The following NDUFAF6 variants were observed in gnomAD, a reference collection of about 807,000 sequenced individuals.
The protein encoded by NDUFAF6 is NADH:ubiquinone oxidoreductase complex assembly factor 6, also known as NADH dehydrogenase (ubiquinone) complex I, assembly factor 6.
A neutral mutation model predicts 40.8 loss-of-function variants in NDUFAF6; 45 were observed. The ratio of observed to expected loss-of-function variants is 1.10; its 90% CI spans 0.87 to 1.42. The LOEUF is 1.42. NDUFAF6 is among the 40% of genes most tolerant of loss of function. NDUFAF6 has a pLI of 0.00. For missense variants in NDUFAF6, 435 were observed against 418.5 expected (o/e 1.04, Z -0.34); for synonymous variants, 185 against 155.9 (o/e 1.19, Z -1.39).
At chr8:94,924,498 G>T (rs962247276) in intron 1 of NDUFAF6, among the ~76,000 whole-genome samples, 7 of 152,176 alleles carry the variant, frequency 4.6e-5, no homozygotes, top group African/African-American at 1.7e-4. Flanking sequence ...ATAACCTTGT[G>T]GTCTGTACAA....
intron 9 of NDUFAF6, chr8:95,066,933 G>A (rs1832718258): frequency 6.6e-6 from 1 of 152,078 alleles, no homozygotes; most frequent in Non-Finnish European, 1.5e-5. Flanking sequence ...ATAATAACCA[G>A]GAGAAGTGGC....
chr8:95,100,900 C>T (rs1019958941), intron 1 of NDUFAF6, among the ~76,000 whole-genome samples: 2 of 152,190 alleles, frequency 1.3e-5, no homozygotes, highest in Admixed American at 1.3e-4. Flanking sequence ...CGACCCCCCT[C>T]GCCCCAAGGT....
downstream of NDUFAF6, among the ~76,000 whole-genome samples, chr8:95,107,747 T>G (rs1561714): frequency 0.83 from 126,571 of 152,212 alleles, 53,030 homozygotes; most frequent in East Asian, 1. Flanking sequence ...TTATTGAGTT[T>G]TTAAAGGTAC....
chr8:95,032,092 C>T lies in NDUFAF6; in HGVS notation c.295C>T (p.Gln99Ter). 6.2e-7 allele frequency: 1 copy of T among 1,613,468 alleles called. No homozygotes were observed. Among genetic ancestry groups the T allele is most frequent in the Non-Finnish European group, 8.5e-7 (1 of 1,179,414 alleles). Residue 99 changes from glutamine (Q) to a stop codon, truncating the protein, a stop_gained and splice_region_variant, in exon 2 of 9, where the codon CAG (glutamine) becomes TAG (stop). Transcript: ENST00000396124. LOFTEE classifies it high-confidence loss of function. ...ALRAFNVELA[Q>*]VKDSVSEKTI... Reference sequence around the variant, plus strand: ...GAGGGCCTTTAATGTGGAACTGGCTCAGGCTGGTATTAAGATACCTTAAAA... The same window carrying T: ...GAGGGCCTTTAATGTGGAACTGGCTTAGGCTGGTATTAAGATACCTTAAAA...
chr8:94,909,042 A>G (rs1818566998), intron 1 of NDUFAF6, among the ~76,000 whole-genome samples: 1 of 152,172 alleles, frequency 6.6e-6, no homozygotes, highest in Non-Finnish European at 1.5e-5. Context: ...GTACACATCC[A>G]GTTTAGGAAT....
Position 94,904,695 on chromosome 8 carries a change from T to G in NDUFAF6, c.-936+8768T>G, listed in dbSNP as rs1260789770. Among the ~76,000 whole-genome samples, 3 of 152,084 alleles carry G rather than the reference T, an allele frequency of 2.0e-5. No individual in the cohort carries two copies. In the South Asian group the frequency reaches 6.2e-4, roughly 31 times the overall value. Reference sequence around the variant, plus strand: ...TGTTTTTTGTTTGTTTGTTTGTTTTTTGCAGTGTTTCTGTATTTCTTTCCT... The same window carrying G: ...TGTTTTTTGTTTGTTTGTTTGTTTTGTGCAGTGTTTCTGTATTTCTTTCCT... On this transcript the variant is annotated intron_variant, in intron 1 of 14. Coordinates refer to the NDUFAF6 transcript ENST00000396113.
chr8:94,964,981 T>A (rs1823894898), intron 1 of NDUFAF6, among the ~76,000 whole-genome samples: 1 of 152,216 alleles, frequency 6.6e-6, no homozygotes, highest in African/African-American at 2.4e-5. Context: ...CTTCTTGGTA[T>A]GAGGGAAATC....
chr8:94,948,930 G>A (rs1221709469), intron 2 of NDUFAF6, among the ~76,000 whole-genome samples: 2 of 151,308 alleles, frequency 1.3e-5, no homozygotes, highest in Admixed American at 1.3e-4. Context: ...CTCTGTCCGC[G>A]CCCTGGGCCC....
rs555941645 is a variant in NDUFAF6, at chr8:94,941,134, C to G, written c.-935-4349C>G. ...AAGGAAGTTATTTCAAATCAGCATGCACATATATACATAAGTACATACACA... is the reference window on the plus strand; with the variant it reads ...AAGGAAGTTATTTCAAATCAGCATGGACATATATACATAAGTACATACACA... On this transcript the variant is annotated intron_variant, in intron 1 of 14. Coordinates refer to the NDUFAF6 transcript ENST00000396113. 26 of 572,886 alleles carry G rather than the reference C, an allele frequency of 4.5e-5. No individual in the cohort carries two copies. In the South Asian group the frequency reaches 4.8e-4, roughly 11 times the overall value. The allele number at this position is 572,886 out of a possible 1,614,324, so 35.5% of individuals were successfully genotyped here.
At position 95,029,954 on chromosome 8, in the gene NDUFAF6, G is replaced by A. The variant is rs183657231; in HGVS notation, c.198-2041G>A. 2.5e-3 allele frequency among the ~76,000 whole-genome samples: 381 copies of A among 152,040 alleles called. 4 individuals are homozygous for A. Among genetic ancestry groups the A allele is most frequent in the African/African-American group, 8.8e-3 (363 of 41,480 alleles). ...TAAGCAAGAAGTGCATACTTACTTC[G>A]TGGGGAGATACTTCAGTACTATGTA... is the stretch of plus-strand genomic sequence containing the variant. On this transcript the variant is annotated intron_variant, in intron 1 of 8. Coordinates refer to ENST00000396124, the MANE Select transcript of NDUFAF6 (RefSeq NM_152416.4).
At chr8:95,005,099 A>G (rs960334855) in intron 2 of NDUFAF6, among the ~76,000 whole-genome samples, 1 of 152,144 alleles carries the variant, frequency 6.6e-6, no homozygotes, top group African/African-American at 2.4e-5. Context: ...TTCCCATCCA[A>G]TCTTGAGTAA....
At chr8:94,958,491 T>C (rs1823269980) in intron 1 of NDUFAF6, among the ~76,000 whole-genome samples, 1 of 146,442 alleles carries the variant, frequency 6.8e-6, no homozygotes, top group Non-Finnish European at 1.5e-5. Flanking sequence ...ATCACCTGTC[T>C]CAAAGCCCTA....
At chr8:94,962,207 C>T (rs1823635222) in intron 1 of NDUFAF6, among the ~76,000 whole-genome samples, 1 of 152,232 alleles carries the variant, frequency 6.6e-6, no homozygotes, top group African/African-American at 2.4e-5. Flanking sequence ...GCACAGCAGC[C>T]ACCTTATGTT....
chr8:95,081,252 C>T (rs2132051798), intron 2 of NDUFAF6, among the ~76,000 whole-genome samples: 1 of 139,836 alleles, frequency 7.2e-6, no homozygotes, highest in Non-Finnish European at 1.5e-5. Context: ...ATAACCTCTG[C>T]CTCCCAAGTT....
intron 1 of NDUFAF6, chr8:94,930,826 T>C (rs1820323342): frequency 7.5e-7 from 1 of 1,331,834 alleles, no homozygotes; most frequent in Non-Finnish European, 1.0e-6. Flanking sequence ...CGCTAATTTG[T>C]TTATGGCTGA....
chr8:94,973,256 A>T (rs770264739), intron 1 of NDUFAF6, among the ~76,000 whole-genome samples: 1 of 152,062 alleles, frequency 6.6e-6, no homozygotes, highest in Non-Finnish European at 1.5e-5. Context: ...TTTTTTCCTT[A>T]TCTGTAAAAT....
chr8:95,099,479 A>G (rs955735349), upstream of NDUFAF6, among the ~76,000 whole-genome samples: 1 of 151,986 alleles, frequency 6.6e-6, no homozygotes, highest in African/African-American at 2.4e-5. Flanking sequence ...TTCTTATACC[A>G]GGCATGGTAT....
chr8:95,036,546 A>C (rs2131815712), intron 3 of NDUFAF6: 56 of 1,236,948 alleles, frequency 4.5e-5, no homozygotes, highest in African/African-American at 6.3e-5. Context: ...CAAGAAGCTC[A>C]ACCTAGGTGA....
intron 1 of NDUFAF6, among the ~76,000 whole-genome samples, chr8:94,974,220 G>GT (rs573760921): frequency 0.14 from 19,080 of 140,306 alleles, 1,564 homozygotes; most frequent in Middle Eastern, 0.23. Flanking sequence ...AGCCAAATCT[G>GT]TTTTTTTTTT....
Sources: allele counts gnomAD v4.1 joint callset (sites outside exome capture counted in the v4.1 genomes callset), GRCh38; gene constraint gnomAD v4.1.1; transcripts MANE v1.5; gene names NCBI Gene and HGNC (gene_info 2026-07-23, HGNC 2026-07-21).